CD82: variants seen among roughly 807,000 people sequenced by gnomAD.
The protein encoded by CD82 is CD82 molecule.
A neutral mutation model predicts 37.4 loss-of-function variants in CD82; 36 were observed. That is an observed-to-expected ratio of 0.96 (90% confidence interval 0.74 to 1.27). The LOEUF (loss-of-function observed/expected upper bound fraction) is 1.27. Ranked by LOEUF, CD82 falls within the 50% of genes most tolerant of loss-of-function variation. The pLI is 0.00. For synonymous variants in CD82, 158 were observed against 137.4 expected (o/e 1.15, Z -1.05); for missense variants, 340 against 347.0 (o/e 0.98, Z 0.16).
chr11:44,594,298 C>T (rs1853188777), intron 2 of CD82, among the ~76,000 whole-genome samples: 1 of 152,148 alleles, frequency 6.6e-6, no homozygotes, highest in Non-Finnish European at 1.5e-5. Flanking sequence ...TTCCCGGCCC[C>T]CTGACTTCAA....
intron 6 of CD82, among the ~76,000 whole-genome samples, chr11:44,612,157 A>T (rs1853491619): frequency 6.6e-6 from 1 of 152,210 alleles, no homozygotes; most frequent in South Asian, 2.1e-4. Context: ...CAGGCAAACC[A>T]CTTAGCTTTT....
intron 1 of CD82, among the ~76,000 whole-genome samples, chr11:44,575,999 C>T (rs903705606): frequency 2.0e-5 from 3 of 152,222 alleles, no homozygotes; most frequent in African/African-American, 7.2e-5. Flanking sequence ...CTTCCCTGAA[C>T]ACTGCACCGG....
intron 3 of CD82, among the ~76,000 whole-genome samples, chr11:44,599,121 C>A (rs1853271173): frequency 6.6e-6 from 1 of 152,150 alleles, no homozygotes. Context: ...GGCTTGGGAT[C>A]CTTATTTGTA....
rs531909914 is a variant in CD82 at position 44,594,813 on chromosome 11, G to A, written c.63+88G>A. On this transcript the variant is annotated intron_variant, in intron 3 of 9. Coordinates refer to ENST00000227155, the MANE Select transcript of CD82 (RefSeq NM_002231.4). ...GCCTGAGCCTTTCCAGAGCCGACCGGGCCGGGGATTGGGGGGATTTGGTGG... is the reference window on the plus strand; with the variant it reads ...GCCTGAGCCTTTCCAGAGCCGACCGAGCCGGGGATTGGGGGGATTTGGTGG... 72 of 1,119,626 alleles carry A rather than the reference G, an allele frequency of 6.4e-5. No homozygotes were observed. In the African/African-American group the frequency reaches 1.0e-3, roughly 16 times the overall value. The allele number at this position is 1,119,626 out of a possible 1,614,324, so 69.4% of individuals were successfully genotyped here.
At chr11:44,605,503 G>A in intron 6 of CD82, 74 bp downstream of exon 6, 1 of 1,381,720 alleles carries the variant, frequency 7.2e-7, no homozygotes. Flanking sequence ...GTGGGGGATG[G>A]ACAAGGAACC....
intron 2 of CD82, among the ~76,000 whole-genome samples, chr11:44,589,523 C>T (rs1853108097): frequency 6.6e-6 from 1 of 152,246 alleles, no homozygotes; most frequent in African/African-American, 2.4e-5. Context: ...TCTGCAAGCA[C>T]TGAGCCAACT....
intron 6 of CD82, among the ~76,000 whole-genome samples, chr11:44,608,390 C>G (rs1156897608): frequency 6.6e-6 from 1 of 152,158 alleles, no homozygotes; most frequent in Non-Finnish European, 1.5e-5. Context: ...CCTGTCACCT[C>G]TGGAGCCTTG....
rs892955498 is a variant in CD82, at chr11:44,597,236, T to C, written c.63+2511T>C. Among the ~76,000 whole-genome samples, 2 of 152,228 alleles carry C rather than the reference T, an allele frequency of 1.3e-5. No individual in the cohort carries two copies. The highest frequency in any genetic ancestry group is 4.8e-5 in the African/African-American group (2 of 41,462). ...TCTGGACTCCAGACTCCCCAGCGCA[T>C]TGCCACTTTTCTCAGGTCCAAAGGA... On this transcript the variant is annotated intron_variant, in intron 3 of 9. Coordinates refer to ENST00000227155, the MANE Select transcript of CD82 (RefSeq NM_002231.4). This position sits in a 1 kb window ranked among gnomAD's most constrained non-coding sequence, Gnocchi z 4.1.
In CD82 at chr11:44,589,818, G is replaced by C. The variant is rs75690518; in HGVS notation, c.-21+2262G>C. Reference sequence around the variant, plus strand: ...CAAAGTTCCCGTGCTAAGGGTAGTCGTGACCCTTGCTGCCTCTTCGTTTTG... The same window carrying C: ...CAAAGTTCCCGTGCTAAGGGTAGTCCTGACCCTTGCTGCCTCTTCGTTTTG... On this transcript the variant is annotated intron_variant, in intron 2 of 9. Transcript: ENST00000227155. 8.9e-3 allele frequency among the ~76,000 whole-genome samples: 1,358 copies of C among 152,248 alleles called. 21 individuals carry two copies. Among genetic ancestry groups the C allele is most frequent in the African/African-American group, 0.031 (1,300 of 41,536 alleles).
At chr11:44,564,442 G>A (rs1435347039), upstream of CD82, 2 of 456,208 alleles carry the variant, frequency 4.4e-6, no homozygotes, top group Non-Finnish European at 8.8e-6. Flanking sequence ...AGGACATTGT[G>A]ATAATGGAAG....
At chr11:44,614,189 C>T (rs1853527810) in intron 6 of CD82, among the ~76,000 whole-genome samples, 1 of 152,020 alleles carries the variant, frequency 6.6e-6, no homozygotes, top group South Asian at 2.1e-4. Context: ...GAGGGAGGAT[C>T]TTTTGACCAT....
At chr11:44,595,969 T>C (rs1292780874) in intron 3 of CD82, among the ~76,000 whole-genome samples, 1 of 147,574 alleles carries the variant, frequency 6.8e-6, no homozygotes, top group Admixed American at 6.7e-5. Flanking sequence ...TTTAACCCAA[T>C]GCACAGACAT....
chr11:44,613,456 G>A (rs978240952), intron 6 of CD82, among the ~76,000 whole-genome samples: 11 of 152,172 alleles, frequency 7.2e-5, no homozygotes, highest in African/African-American at 2.2e-4. Flanking sequence ...GGGGTTAGCT[G>A]AGAGCAGGTG....
intron 3 of CD82, among the ~76,000 whole-genome samples, chr11:44,599,675 G>A (rs972322936): frequency 9.2e-5 from 14 of 152,234 alleles, no homozygotes; most frequent in Non-Finnish European, 2.1e-4. Context: ...GGGGGCACCC[G>A]AGTCTGCCTG....
At chr11:44,601,046 C>T (rs925091423) in intron 4 of CD82, among the ~76,000 whole-genome samples, 3 of 152,178 alleles carry the variant, frequency 2.0e-5, no homozygotes, top group African/African-American at 7.2e-5. Context: ...GCTCGGCCTC[C>T]TCCAGGAAGC....
chr11:44,599,407 G>A (rs4755850), intron 3 of CD82, among the ~76,000 whole-genome samples: 23,379 of 152,274 alleles, frequency 0.15, 2,820 homozygotes, highest in East Asian at 0.52. Context: ...GCCTCACAAA[G>A]TGTTGGGATT....
chr11:44,587,782 G>T (rs1036547469), intron 2 of CD82: 1 of 363,856 alleles, frequency 2.7e-6, no homozygotes, highest in South Asian at 2.0e-5. Context: ...CTGGCCCAGG[G>T]TTGAGCACCT....
intron 3 of CD82, among the ~76,000 whole-genome samples, chr11:44,598,964 A>C (rs1853269210): frequency 6.6e-6 from 1 of 152,212 alleles, no homozygotes; most frequent in African/African-American, 2.4e-5. Context: ...GGCCACCCCC[A>C]CCTCCAAAGG....
At chr11:44,617,163 C>A (rs1853576170) in intron 7 of CD82, among the ~76,000 whole-genome samples, 1 of 152,168 alleles carries the variant, frequency 6.6e-6, no homozygotes, top group Non-Finnish European at 1.5e-5. Context: ...TCCCAGGAAC[C>A]CCCAGCATTG....
Sources: gnomAD v4.1 joint callset for allele counts (sites outside exome capture counted in the v4.1 genomes callset) on GRCh38, gnomAD v4.1.1 for gene constraint, Gnocchi (gnomAD v3.1) non-coding constraint, MANE v1.5 for transcripts, NCBI Gene and HGNC (gene_info 2026-07-23, HGNC 2026-07-21) for gene names.